Variants in LRMDA observed in about 807,000 individuals in gnomAD.
LRMDA encodes leucine rich melanocyte differentiation associated, also known as leucine-rich melanocyte differentiation-associated protein.
LRMDA carries 18 observed loss-of-function variants against 29.8 expected under a neutral mutation model. The observed-to-expected ratio is 0.60, with a 90% CI of 0.42 to 0.90. The LOEUF is 0.90. LRMDA is among the 40% of genes least tolerant of loss of function. The pLI, the probability that LRMDA is intolerant of heterozygous loss-of-function variation, is 0.00. For synonymous variants in LRMDA, 125 were observed against 109.4 expected, an observed-to-expected ratio of 1.14 and a Z score of -0.89; for missense variants, 273 against 273.9, an observed-to-expected ratio of 1.00 and a Z score of 0.02.
At chr10:75,602,826 A>G (rs563830178) in intron 2 of LRMDA, among the ~76,000 whole-genome samples, 1 of 152,330 alleles carries the variant, frequency 6.6e-6, no homozygotes, top group South Asian at 2.1e-4. Context: ...ATAGAAAAAT[A>G]TATTTCACTT....
At chr10:76,247,840 T>C (rs1294436207) in intron 5 of LRMDA, among the ~76,000 whole-genome samples, 1 of 152,142 alleles carries the variant, frequency 6.6e-6, no homozygotes, top group African/African-American at 2.4e-5. Context: ...TGTAAAGAGA[T>C]TGGAGTGCCT....
chr10:76,086,602 C>G (rs565551248), intron 5 of LRMDA, among the ~76,000 whole-genome samples: 99 of 152,308 alleles, frequency 6.5e-4, no homozygotes, highest in African/African-American at 2.4e-3. Flanking sequence ...TTCACCAAGT[C>G]CCTTCTCTGT....
chr10:76,000,453 A>G (rs1016119304), intron 2 of LRMDA, among the ~76,000 whole-genome samples: 11 of 152,246 alleles, frequency 7.2e-5, no homozygotes, highest in African/African-American at 2.6e-4. Flanking sequence ...GTTCCCCTGG[A>G]TGATGGAGAA....
intron 2 of LRMDA, among the ~76,000 whole-genome samples, chr10:75,682,219 G>C (rs1744382403): frequency 1.3e-5 from 2 of 152,222 alleles, no homozygotes; most frequent in Non-Finnish European, 2.9e-5. Flanking sequence ...AACGCTTTGA[G>C]AGCGAAGATA....
chr10:76,080,691 C>T (rs1849035140), intron 5 of LRMDA, among the ~76,000 whole-genome samples: 1 of 152,212 alleles, frequency 6.6e-6, no homozygotes, highest in South Asian at 2.1e-4. Flanking sequence ...CCATTATAAA[C>T]ACCTTGTAAC....
At chr10:76,186,707 G>A (rs1189447508) in intron 5 of LRMDA, among the ~76,000 whole-genome samples, 1 of 152,156 alleles carries the variant, frequency 6.6e-6, no homozygotes, top group Non-Finnish European at 1.5e-5. Flanking sequence ...CTGTGTGCTA[G>A]GTAGGATACT....
chr10:75,687,110 T>A (rs1209439666), intron 2 of LRMDA, among the ~76,000 whole-genome samples: 2 of 152,146 alleles, frequency 1.3e-5, no homozygotes, highest in Non-Finnish European at 2.9e-5. Flanking sequence ...ATATAGAAAT[T>A]AGGGCAATTA....
intron 2 of LRMDA, among the ~76,000 whole-genome samples, chr10:75,807,798 T>C (rs1450881414): frequency 6.6e-6 from 1 of 152,216 alleles, no homozygotes; most frequent in African/African-American, 2.4e-5. Context: ...ATGTTGATTC[T>C]AAATAGGGAG....
chr10:75,464,144 A>G (rs544707754), intron 2 of LRMDA, among the ~76,000 whole-genome samples: 37 of 152,308 alleles, frequency 2.4e-4, no homozygotes, highest in Admixed American at 7.8e-4. Flanking sequence ...TTCTGTAGAA[A>G]TGTTTCTAGT....
rs1272382582 is a variant in LRMDA, at chr10:76,365,085, C to CACACATATATAT, written c.601+40601_601+40602insCACATATATATA. ...TCGTATATATATACACACACACACA[C>CACACATATATAT]ATATATATATATATATATATATACA... On this transcript the variant is annotated intron_variant, in intron 6 of 6. Transcript: ENST00000611255. 4.3e-5 allele frequency among the ~76,000 whole-genome samples: 3 copies of CACACATATATAT among 69,726 alleles called. No homozygotes were observed. In the East Asian group the frequency reaches 7.5e-4, roughly 17 times the overall value. The allele number at this position is 69,726 out of a possible 152,430, so 45.7% of individuals were successfully genotyped here.
chr10:75,605,346 G>A (rs1339249350), intron 2 of LRMDA, among the ~76,000 whole-genome samples: 1 of 152,166 alleles, frequency 6.6e-6, no homozygotes, highest in African/African-American at 2.4e-5. Flanking sequence ...CCACACTGTA[G>A]TTTACACCAG....
chr10:75,521,558 A>G (rs1432461735), intron 2 of LRMDA, among the ~76,000 whole-genome samples: 1 of 152,096 alleles, frequency 6.6e-6, no homozygotes, highest in Non-Finnish European at 1.5e-5. Context: ...TGCTTAGACC[A>G]TGGGAAAAGT....
intron 6 of LRMDA, among the ~76,000 whole-genome samples, chr10:76,435,220 C>A (rs1399555171): frequency 6.6e-6 from 1 of 152,162 alleles, no homozygotes; most frequent in Non-Finnish European, 1.5e-5. Context: ...TGAATGAGAA[C>A]ACTGAGGCTC....
At chr10:75,517,636 T>G (rs1845307151) in intron 2 of LRMDA, among the ~76,000 whole-genome samples, 2 of 152,342 alleles carry the variant, frequency 1.3e-5, no homozygotes, top group Middle Eastern at 3.4e-3. Flanking sequence ...TACAGTCATG[T>G]CATCTGCAAA....
chr10:75,850,527 T>G (rs1844713950), intron 2 of LRMDA, among the ~76,000 whole-genome samples: 1 of 152,218 alleles, frequency 6.6e-6, no homozygotes, highest in Non-Finnish European at 1.5e-5. Flanking sequence ...CTAGTGTTTT[T>G]CTGTTGCTCA....
At chr10:75,497,614 T>TC (rs534166204) in intron 2 of LRMDA, among the ~76,000 whole-genome samples, 2,090 of 149,564 alleles carry the variant, frequency 0.014, 26 homozygotes, top group Non-Finnish European at 0.018. Flanking sequence ...TAATTCCTGC[T>TC]CCCTCCCCTC....
intron 6 of LRMDA, among the ~76,000 whole-genome samples, chr10:76,387,684 T>A (rs1300386644): frequency 1.3e-5 from 2 of 151,948 alleles, no homozygotes; most frequent in East Asian, 1.9e-4. Flanking sequence ...TAAATTTAAA[T>A]TTTTTAAGTG....
intron 2 of LRMDA, among the ~76,000 whole-genome samples, chr10:75,833,740 T>C (rs1473719182): frequency 6.6e-6 from 1 of 152,060 alleles, no homozygotes; most frequent in Non-Finnish European, 1.5e-5. Context: ...TTGGTGAAAA[T>C]TACTCTTCAT....
chr10:75,568,009 A>C (rs944172469), intron 2 of LRMDA, among the ~76,000 whole-genome samples: 1 of 152,214 alleles, frequency 6.6e-6, no homozygotes, highest in African/African-American at 2.4e-5. Flanking sequence ...AAAAGGAGCA[A>C]GGCTACACCT....
Sources: allele counts gnomAD v4.1 joint callset (sites outside exome capture counted in the v4.1 genomes callset), GRCh38; gene constraint gnomAD v4.1.1; transcripts MANE v1.5; gene names NCBI Gene and HGNC (gene_info 2026-07-23, HGNC 2026-07-21).